The following CAMSAP2 variants were observed in gnomAD, a reference collection of about 807,000 sequenced individuals.
CAMSAP2 encodes the protein calmodulin regulated spectrin associated protein family member 2, also known as calmodulin-regulated spectrin-associated protein 2.
Under a neutral mutation model 146.1 loss-of-function variants are expected in CAMSAP2, and 26 were observed. The observed-to-expected ratio is 0.18, with a 90% confidence interval of 0.13 to 0.25. The LOEUF (loss-of-function observed/expected upper bound fraction) is 0.25. CAMSAP2 is among the 10% of genes least tolerant of loss of function. The probability of loss-of-function intolerance (pLI) is 1.00; values close to 1 mark genes in which losing one functional copy is unlikely to be tolerated. For synonymous variants in CAMSAP2, 499 were observed against 596.6 expected (o/e 0.84, Z 2.38); for missense variants, 1,381 against 1,759.3 (o/e 0.78, Z 3.85).
At chr1:200,763,375 C>T (rs534467052) in intron 2 of CAMSAP2, among the ~76,000 whole-genome samples, 2 of 152,156 alleles carry the variant, frequency 1.3e-5, no homozygotes, top group South Asian at 4.2e-4. Flanking sequence ...CCCATCTCTA[C>T]TGAAAATACA....
intron 3 of CAMSAP2, among the ~76,000 whole-genome samples, chr1:200,815,170 A>G (rs1456573650): frequency 1.3e-5 from 2 of 152,158 alleles, no homozygotes; most frequent in Non-Finnish European, 2.9e-5. Context: ...TTATTTATTG[A>G]TAACAACAAC....
At chr1:200,801,951 A>G (rs1666046115) in intron 2 of CAMSAP2, among the ~76,000 whole-genome samples, 1 of 152,230 alleles carries the variant, frequency 6.6e-6, no homozygotes. Context: ...GGCAGCTAGT[A>G]ACCCCTAGTT....
chr1:200,766,637 A>G (rs558951948), intron 2 of CAMSAP2, among the ~76,000 whole-genome samples: 1 of 152,188 alleles, frequency 6.6e-6, no homozygotes, highest in East Asian at 1.9e-4. Context: ...CTCTGCTTTA[A>G]CTATAAATCC....
chr1:200,833,773 A>G (rs12760892), intron 6 of CAMSAP2, among the ~76,000 whole-genome samples: 19,620 of 152,176 alleles, frequency 0.13, 1,301 homozygotes, highest in East Asian at 0.17. Flanking sequence ...TTTAACTACC[A>G]TTATGCATAA....
chr1:200,794,097 A>G (rs538850062), intron 2 of CAMSAP2, among the ~76,000 whole-genome samples: 3 of 152,348 alleles, frequency 2.0e-5, no homozygotes, highest in South Asian at 4.1e-4. Flanking sequence ...TATGACATAT[A>G]TAATGATGCA....
chr1:200,849,411 C>A lies in CAMSAP2; in HGVS notation c.2642C>A (p.Thr881Asn), dbSNP rs772345104. 1.2e-6 allele frequency: 2 copies of A among 1,614,150 alleles called. No homozygotes were observed. Among genetic ancestry groups the A allele is most frequent in the African/African-American group, 2.7e-5 (2 of 75,046 alleles). Residue 881 changes from threonine to asparagine, a missense_variant, in exon 11 of 17, where the codon ACC becomes AAC. Thr to Asn is a moderately conservative substitution (Grantham distance 65). Transcript: ENST00000358823. This position sits in a 1 kb window ranked among gnomAD's most constrained non-coding sequence, Gnocchi z 6.3. ...AATGAAGGAGAGATTTTAGAATATA[C>A]CAAATCCATTGAAAAGTTAAATTCA... Reference protein sequence around the residue: ...TLNEGEILEYTKSIEKLNSSL... With the variant: ...TLNEGEILEYNKSIEKLNSSL...
At chr1:200,803,938 T>C (rs1421085554) in intron 2 of CAMSAP2, among the ~76,000 whole-genome samples, 2 of 152,102 alleles carry the variant, frequency 1.3e-5, no homozygotes, top group Admixed American at 6.5e-5. Context: ...TCTTTTTTTT[T>C]TTCTTTGAGA....
At chr1:200,807,667 TA>T (rs1263677461) in intron 3 of CAMSAP2, 130 bp downstream of exon 3, 2 of 577,180 alleles carry the variant, frequency 3.5e-6, no homozygotes, top group Non-Finnish European at 5.3e-6. Flanking sequence ...AAAATACACT[TA>T]AATTTTTTAG....
At position 200,739,890 on chromosome 1, in the gene CAMSAP2, T is replaced by A; in HGVS notation, c.63T>A (p.Pro21=). The A allele has an allele frequency of 6.2e-7, 1 of 1,614,180 alleles. No individual in the cohort carries two copies. Among genetic ancestry groups the A allele is most frequent in the Non-Finnish European group, 8.5e-7 (1 of 1,180,006 alleles). Residue 21 remains proline (P), a synonymous_variant, in exon 1 of 17, where the codon CCT becomes CCA. Coordinates refer to ENST00000358823, the MANE Select transcript of CAMSAP2 (RefSeq NM_203459.4). This position sits in a 1 kb window ranked among gnomAD's most constrained non-coding sequence, Gnocchi z 4.8. ...RKTFIVPAIK[P]FDHYDFSRAK... is the part of the protein sequence containing the mutation. ...CGTTCATTGTTCCAGCCATCAAGCC[T>A]TTTGACCACTATGATTTCTCCAGGG...
chr1:200,821,828 G>A (rs1296594810), intron 4 of CAMSAP2, among the ~76,000 whole-genome samples: 2 of 152,052 alleles, frequency 1.3e-5, no homozygotes, highest in Non-Finnish European at 2.9e-5. Flanking sequence ...ATTCAGAGAT[G>A]GTACCATGGT....
intron 4 of CAMSAP2, among the ~76,000 whole-genome samples, chr1:200,818,245 A>AT (rs999906878): frequency 2.6e-5 from 4 of 152,152 alleles, no homozygotes; most frequent in Non-Finnish European, 4.4e-5. Context: ...CCCAAGAAAC[A>AT]TTTTTTTAAT....
At chr1:200,792,451 C>G (rs1665780277) in intron 2 of CAMSAP2, among the ~76,000 whole-genome samples, 1 of 152,102 alleles carries the variant, frequency 6.6e-6, no homozygotes, top group African/African-American at 2.4e-5. Context: ...TTGAGACCAG[C>G]CTGGCCAACA....
intron 2 of CAMSAP2, among the ~76,000 whole-genome samples, chr1:200,786,802 CTG>C (rs1208817721): frequency 3.3e-5 from 5 of 152,180 alleles, no homozygotes; most frequent in Non-Finnish European, 7.3e-5. Context: ...GACAGGTTGA[CTG>C]TTTTGTTATG....
At chr1:200,852,260 T>G (rs1358103960) in intron 11 of CAMSAP2, among the ~76,000 whole-genome samples, 2 of 152,152 alleles carry the variant, frequency 1.3e-5, no homozygotes, top group South Asian at 2.1e-4. Flanking sequence ...TAAAAAAAAT[T>G]TGTGCTTTTT....
rs770871088 is a variant in CAMSAP2, at chr1:200,798,297, G to A, written c.400-9079G>A. ...CACGATATTGATTCTTCCCACCCAT[G>A]AGCATGGAATGTTCTTCCATTTGTT... On this transcript the variant is annotated intron_variant, in intron 2 of 16. Transcript: ENST00000358823. 3.8e-3 allele frequency among the ~76,000 whole-genome samples: 491 copies of A among 127,602 alleles called. 13 individuals carry two copies. The highest frequency in any genetic ancestry group is 5.7e-3 in the Non-Finnish European group (361 of 63,070). The allele number at this position is 127,602 out of a possible 152,430, so 83.7% of individuals were successfully genotyped here. A position where few individuals can be genotyped will look rare whatever the true frequency, so the allele number is the denominator to read the frequency against.
At chr1:200,759,280 A>T (rs377680681) in intron 1 of CAMSAP2, among the ~76,000 whole-genome samples, 154 of 128,728 alleles carry the variant, frequency 1.2e-3, no homozygotes, top group Admixed American at 1.1e-3. Context: ...CTGCTATTCT[A>T]TTTTTTTTTT....
At chr1:200,845,871 A>G (rs1218373682) in intron 8 of CAMSAP2, among the ~76,000 whole-genome samples, 1 of 152,216 alleles carries the variant, frequency 6.6e-6, no homozygotes, top group Non-Finnish European at 1.5e-5. Context: ...AAAGCAAAGT[A>G]AAAATGTCCT....
At chr1:200,796,546 A>G (rs1173041139) in intron 2 of CAMSAP2, among the ~76,000 whole-genome samples, 4 of 152,154 alleles carry the variant, frequency 2.6e-5, no homozygotes, top group South Asian at 2.1e-4. Context: ...TTGTATACCA[A>G]TTTAGGAAAG....
chr1:200,854,834 G>A lies in CAMSAP2; in HGVS notation c.3841G>A (p.Ala1281Thr). The A allele has an allele frequency of 6.2e-7, 1 of 1,610,358 alleles. No homozygotes were observed. Among genetic ancestry groups the A allele is most frequent in the South Asian group, 1.1e-5 (1 of 90,406 alleles). ...TTTTTCAGTCTCTAGCCTTTCTTTG[G>A]CATCGCTGAACACGGGTGATAACGA... ...KGPPVSSLSL[A>T]SLNTGDNESV... Residue 1281 changes from alanine (A) to threonine (T), a missense_variant, in exon 14 of 17, where the codon GCA (alanine) becomes ACA (threonine). Physicochemically the swap from Ala to Thr is moderately conservative, Grantham distance 58. This residue lies in a region of CAMSAP2 where 560 missense variants were observed against 715.9 expected (regional missense o/e 0.78). Transcript: ENST00000358823.
Sources: allele counts gnomAD v4.1 joint callset (sites outside exome capture counted in the v4.1 genomes callset), GRCh38; gene constraint gnomAD v4.1.1; regional missense constraint gnomAD v4.1.1; non-coding constraint Gnocchi (gnomAD v3.1); transcripts MANE v1.5; gene names NCBI Gene and HGNC (gene_info 2026-07-23, HGNC 2026-07-21).